The following NINJ2 variants were observed in gnomAD, a reference collection of about 807,000 sequenced individuals.
NINJ2 encodes the protein ninjurin-2.
In NINJ2, 12 loss-of-function variants were observed where a neutral mutation model predicts 11.7. The observed-to-expected ratio is 1.02, with a 90% CI of 0.66 to 1.66. NINJ2 has a LOEUF of 1.66. NINJ2 is among the 40% of genes most tolerant of loss of function. The pLI is 0.00. For synonymous variants in NINJ2, 93 were observed against 76.8 expected, an observed-to-expected ratio of 1.21 and a Z score of -1.10; for missense variants, 187 against 181.8, an observed-to-expected ratio of 1.03 and a Z score of -0.16.
At chr12:569,707 A>G (rs1268090902) in intron 1 of NINJ2, among the ~76,000 whole-genome samples, 2 of 152,224 alleles carry the variant, frequency 1.3e-5, no homozygotes, top group African/African-American at 2.4e-5. Flanking sequence ...CCCAACCTCT[A>G]TGGAAGGTAT....
intron 1 of NINJ2, among the ~76,000 whole-genome samples, chr12:578,769 T>C (rs1947506430): frequency 3.3e-5 from 5 of 152,222 alleles, no homozygotes. Flanking sequence ...GTAGCATATC[T>C]AGATCATTCC....
In NINJ2 at chr12:615,166, C is replaced by T. The variant is rs940995566; in HGVS notation, c.33+48162G>A. On this transcript the variant is annotated intron_variant, in intron 1 of 3. Transcript: ENST00000305108. ...GAGTGACTCTCAAAGGAGATATGCACGCCCCATTAGGAAGCTACATCCAAA... is the reference window on the plus strand; with the variant it reads ...GAGTGACTCTCAAAGGAGATATGCATGCCCCATTAGGAAGCTACATCCAAA... Among the ~76,000 whole-genome samples, 15 of 152,306 alleles carry T rather than the reference C, an allele frequency of 9.8e-5. 1 individual carries two copies. Among genetic ancestry groups the T allele is most frequent in the Non-Finnish European group, 1.0e-4 (7 of 68,022 alleles).
chr12:565,292 G>A lies in NINJ2; in HGVS notation c.372C>T (p.Ala124=), dbSNP rs376972064. ...GGAACCCTGTTTTATGTGCCCCGAA[G>A]GCTGTAATGAAAACATTGATGACCA... The part of the protein sequence containing the change: ...FTVVINVFIT[A]FGAHKTGFLA... The change falls in exon 3 of 4, where the codon GCC becomes GCT. Residue 124 remains alanine (A), a synonymous_variant. Coordinates refer to ENST00000305108, the MANE Select transcript of NINJ2 (RefSeq NM_016533.6). The A allele has an allele frequency of 4.3e-6, 7 of 1,614,222 alleles. No individual in the cohort carries two copies. Among genetic ancestry groups the A allele is most frequent in the East Asian group, 2.2e-5 (1 of 44,882 alleles).
chr12:604,725 G>T (rs1164056792), intron 1 of NINJ2, among the ~76,000 whole-genome samples: 2 of 152,202 alleles, frequency 1.3e-5, no homozygotes, highest in Non-Finnish European at 2.9e-5. Flanking sequence ...AAGGCACTGG[G>T]TGTGGGGACA....
At position 660,289 on chromosome 12, in the gene NINJ2, TAAA is replaced by T. The variant is rs776762900; in HGVS notation, c.33+3036_33+3038del. 5.8e-3 allele frequency among the ~76,000 whole-genome samples: 624 copies of T among 107,676 alleles called. 2 individuals are homozygous for T. The highest frequency in any genetic ancestry group is 9.5e-3 in the Middle Eastern group (2 of 210). The allele number at this position is 107,676 out of a possible 152,430, so 70.6% of individuals were successfully genotyped here. A position where few individuals can be genotyped will look rare whatever the true frequency, so the allele number is the denominator to read the frequency against. On this transcript the variant is annotated intron_variant, in intron 1 of 3. Coordinates refer to ENST00000305108, the MANE Select transcript of NINJ2 (RefSeq NM_016533.6). ...TGTGACACAGCAAGATCCTGTCTGT[TAAA>T]AAAAAAAAAAAAAAAAAAAGGAATC...
rs59633861 is a variant in NINJ2 at position 581,107 on chromosome 12, CTG to C, written c.34-14931_34-14930del. On this transcript the variant is annotated intron_variant, in intron 1 of 3. Coordinates refer to ENST00000305108, the MANE Select transcript of NINJ2 (RefSeq NM_016533.6). The surrounding 1 kb of genome is among the most constrained non-coding windows in gnomAD (Gnocchi z 4.9). ...TGTGTGTGCATGTGTCTCTGTGTGTCTGTGTCTGTGTGTGCGTGTCTCTGTGC... is the reference window on the plus strand; with the variant it reads ...TGTGTGTGCATGTGTCTCTGTGTGTCTGTCTGTGTGTGCGTGTCTCTGTGC... 0.07 allele frequency among the ~76,000 whole-genome samples: 9,127 copies of C among 130,764 alleles called. 448 individuals are homozygous for C. The highest frequency in any genetic ancestry group is 0.14 in the African/African-American group (5,184 of 36,848). The allele number at this position is 130,764 out of a possible 152,430, so 85.8% of individuals were successfully genotyped here.
intron 1 of NINJ2, among the ~76,000 whole-genome samples, chr12:569,973 CG>C (rs201278410): frequency 2.0e-5 from 3 of 152,148 alleles, no homozygotes; most frequent in Non-Finnish European, 4.4e-5. Context: ...CCGCGGCTGC[CG>C]GGGGGCGTTT....
intron 1 of NINJ2, among the ~76,000 whole-genome samples, chr12:659,630 C>T (rs938399423): frequency 1.3e-5 from 2 of 152,234 alleles, no homozygotes; most frequent in Non-Finnish European, 2.9e-5. Context: ...GCCACCTGCC[C>T]TGAGTGCTGT....
rs1947542753 is a variant in NINJ2 at position 580,958 on chromosome 12, G to A, written c.34-14780C>T. Among the ~76,000 whole-genome samples the A allele has an allele frequency of 6.6e-6, 1 of 151,470 alleles. No individual in the cohort carries two copies. ...CCTGTGTGTCTGTGTGTATTCATGT[G>A]TGTTTGTGTGTATGTGTGTGTCCAT... On this transcript the variant is annotated intron_variant, in intron 1 of 3. Transcript: ENST00000305108. This position sits in a 1 kb window ranked among gnomAD's most constrained non-coding sequence, Gnocchi z 4.7.
At position 585,114 on chromosome 12, in the gene NINJ2, G is replaced by A. The variant is rs1400084404; in HGVS notation, c.34-18936C>T. ...AGCCTGGGAGACAGAGCGAGACTCC[G>A]TCTCAATAAACACATAAATAAAAGC... is the stretch of plus-strand genomic sequence containing the variant. On this transcript the variant is annotated intron_variant, in intron 1 of 3. Coordinates refer to ENST00000305108, the MANE Select transcript of NINJ2 (RefSeq NM_016533.6). The surrounding 1 kb of genome is among the most constrained non-coding windows in gnomAD (Gnocchi z 4.1). 1.3e-5 allele frequency among the ~76,000 whole-genome samples: 2 copies of A among 152,208 alleles called. No homozygotes were observed. The highest frequency in any genetic ancestry group is 4.8e-5 in the African/African-American group (2 of 41,456).
chr12:565,483 GGA>G (rs1947283228), intron 2 of NINJ2, 82 bp from the exon 3 acceptor site: 3 of 1,395,580 alleles, frequency 2.1e-6, no homozygotes, highest in African/African-American at 2.9e-5. Context: ...ACCAGAGTTT[GGA>G]GAGAGGGGCC....
rs2120834459 is a variant in NINJ2 at position 581,153 on chromosome 12, G to T, written c.34-14975C>A. ...TCTGTGCCTCTGTGTGTGTGTGCAT[G>T]TGTCTCTGTGTGTGTGTGTGTGTCT... On this transcript the variant is annotated intron_variant, in intron 1 of 3. Coordinates refer to ENST00000305108, the MANE Select transcript of NINJ2 (RefSeq NM_016533.6). This position sits in a 1 kb window ranked among gnomAD's most constrained non-coding sequence, Gnocchi z 4.9. 6.6e-6 allele frequency among the ~76,000 whole-genome samples: 1 copy of T among 151,170 alleles called. No homozygotes were observed. Among genetic ancestry groups the T allele is most frequent in the East Asian group, 2.0e-4 (1 of 5,080 alleles).
At chr12:653,614 T>TAA (rs200514649) in intron 1 of NINJ2, among the ~76,000 whole-genome samples, 6 of 149,708 alleles carry the variant, frequency 4.0e-5, no homozygotes, top group African/African-American at 9.8e-5. Context: ...TAAAAAAAGT[T>TAA]AAAAAAAAGT....
At chr12:576,274 C>T (rs904495811) in intron 1 of NINJ2, among the ~76,000 whole-genome samples, 3 of 152,132 alleles carry the variant, frequency 2.0e-5, no homozygotes, top group African/African-American at 7.2e-5. Flanking sequence ...CCGCCGTTGT[C>T]CACCAGGGGG....
chr12:579,645 T>C (rs1202199149), intron 1 of NINJ2, among the ~76,000 whole-genome samples: 1 of 151,986 alleles, frequency 6.6e-6, no homozygotes, highest in Non-Finnish European at 1.5e-5. Context: ...CCCCACTCCC[T>C]CTTGTCACAT....
chr12:580,709 G>A lies in NINJ2; in HGVS notation c.34-14531C>T, dbSNP rs772289661. Among the ~76,000 whole-genome samples, 5 of 152,166 alleles carry A rather than the reference G, an allele frequency of 3.3e-5. 1 individual carries two copies. In the South Asian group the frequency reaches 8.3e-4, roughly 25 times the overall value. ...ACCTCTTCTGTGGCACCTTCTGGGG[G>A]TGCCTGCCAATGGCTATAGTATACA... On this transcript the variant is annotated intron_variant, in intron 1 of 3. Coordinates refer to ENST00000305108, the MANE Select transcript of NINJ2 (RefSeq NM_016533.6). The surrounding 1 kb of genome is among the most constrained non-coding windows in gnomAD (Gnocchi z 4.7).
At position 636,574 on chromosome 12, in the gene NINJ2, G is replaced by A. The variant is rs116499488; in HGVS notation, c.33+26754C>T. On this transcript the variant is annotated intron_variant, in intron 1 of 3. Transcript: ENST00000305108. ...AATTCAAAAAAGGAGAAGGAACTAG[G>A]GTAGACATTTCTCCAAAGAAGACAC... is the stretch of plus-strand genomic sequence containing the variant. 2.1e-3 allele frequency among the ~76,000 whole-genome samples: 319 copies of A among 151,946 alleles called. 3 individuals carry two copies. The highest frequency in any genetic ancestry group is 7.5e-3 in the African/African-American group (309 of 41,466).
rs1346666209 is a variant in NINJ2, at chr12:608,147, A to T, written c.34-41969T>A. ...TCGAATTGTCCACCAATTACGTGGC[A>T]CTGTACTCAACCCTTAAGAGTCTTT... is the stretch of plus-strand genomic sequence containing the variant. On this transcript the variant is annotated intron_variant, in intron 1 of 3. Transcript: ENST00000305108. Among the ~76,000 whole-genome samples the T allele has an allele frequency of 2.0e-5, 3 of 152,142 alleles. No individual in the cohort carries two copies. In the East Asian group the frequency reaches 5.8e-4, roughly 29 times the overall value.
intron 1 of NINJ2, among the ~76,000 whole-genome samples, chr12:573,959 C>T (rs1255601757): frequency 6.6e-6 from 1 of 152,146 alleles, no homozygotes; most frequent in Non-Finnish European, 1.5e-5. Flanking sequence ...TTTGGCCGGG[C>T]AAGGTGGCTC....
Sources: allele counts gnomAD v4.1 joint callset (sites outside exome capture counted in the v4.1 genomes callset), GRCh38; gene constraint gnomAD v4.1.1; non-coding constraint Gnocchi (gnomAD v3.1); transcripts MANE v1.5; gene names NCBI Gene and HGNC (gene_info 2026-07-23, HGNC 2026-07-21).